The following DIP2C variants were observed in gnomAD, a reference collection of about 807,000 sequenced individuals.
DIP2C encodes the protein disco-interacting protein 2 homolog C.
A neutral mutation model predicts 192.4 loss-of-function variants in DIP2C; 33 were observed. That is an observed-to-expected ratio of 0.17 (90% confidence interval 0.13 to 0.23). DIP2C has a LOEUF of 0.23. Ranked by LOEUF, DIP2C falls within the 10% of genes least tolerant of loss-of-function variation. DIP2C has a pLI of 1.00. For synonymous variants in DIP2C, 979 were observed against 864.1 expected, an observed-to-expected ratio of 1.13 and a Z score of -2.33; for missense variants, 1,537 against 2,110.1, an observed-to-expected ratio of 0.73 and a Z score of 5.32.
intron 1 of DIP2C, among the ~76,000 whole-genome samples, chr10:624,937 G>A (rs542099725): frequency 1.3e-5 from 2 of 152,264 alleles, no homozygotes; most frequent in Admixed American, 6.5e-5. Context: ...GGAGGCGCTC[G>A]GTGCCCTGAA....
intron 3 of DIP2C, among the ~76,000 whole-genome samples, chr10:447,147 T>C (rs898949816): frequency 6.6e-6 from 1 of 152,008 alleles, no homozygotes. Context: ...TCACACACAG[T>C]GGGGCAGCAG....
chr10:306,122 C>T (rs958291707), intron 32 of DIP2C, among the ~76,000 whole-genome samples: 13 of 151,974 alleles, frequency 8.6e-5, no homozygotes, highest in Non-Finnish European at 1.9e-4. Context: ...TAAAATTGAA[C>T]AGTCACTTGC....
In DIP2C at chr10:281,191, A is replaced by C. The variant is rs542468759; in HGVS notation, c.4418+9T>G. 7 of 1,613,630 alleles carry C rather than the reference A, an allele frequency of 4.3e-6. No homozygotes were observed. In the South Asian group the frequency reaches 6.6e-5, roughly 15 times the overall value. On this transcript the variant is annotated intron_variant, in intron 36 of 36. Transcript: ENST00000280886. ...TGATTTGGGTACAAGCTGCAAGCTC[A>C]CGACTTACCATTCCGTAACGCTTTT...
At chr10:417,059 A>G (rs1238469234) in intron 6 of DIP2C, among the ~76,000 whole-genome samples, 1 of 152,212 alleles carries the variant, frequency 6.6e-6, no homozygotes, top group African/African-American at 2.4e-5. Flanking sequence ...ATATCTCTGA[A>G]AATACAGAAA....
rs540795933 is a variant in DIP2C at position 363,382 on chromosome 10, G to C, written c.2478-71C>G. On this transcript the variant is annotated intron_variant, in intron 20 of 36. Transcript: ENST00000280886. This position sits in a 1 kb window ranked among gnomAD's most constrained non-coding sequence, Gnocchi z 5.4. ...TGCAGCCCTCCCTCCGCCATCAGGG[G>C]CTCCATAACCATCACTAGTGAGTGA... 2.2e-6 allele frequency: 3 copies of C among 1,347,656 alleles called. No homozygotes were observed. The highest frequency in any genetic ancestry group is 1.2e-5 in the South Asian group (1 of 82,366). The allele number at this position is 1,347,656 out of a possible 1,614,324, so 83.5% of individuals were successfully genotyped here. A position where few individuals can be genotyped will look rare whatever the true frequency, so the allele number is the denominator to read the frequency against.
At chr10:291,217 T>C (rs1262145120) in intron 32 of DIP2C, among the ~76,000 whole-genome samples, 2 of 152,212 alleles carry the variant, frequency 1.3e-5, no homozygotes, top group Admixed American at 1.3e-4. Flanking sequence ...CCCATATTGA[T>C]CCTAAGCCTC....
chr10:376,557 CT>C (rs61541768), intron 17 of DIP2C, among the ~76,000 whole-genome samples: 3,066 of 135,196 alleles, frequency 0.023, 39 homozygotes, highest in Middle Eastern at 0.03. Context: ...GAGGAAGTGT[CT>C]TTTTTTTTTT....
At chr10:417,651 TCCACCTGTTCCTGTCAGGGC>T in intron 6 of DIP2C, among the ~76,000 whole-genome samples, 1 of 13,664 alleles carries the variant, frequency 7.3e-5, no homozygotes, top group South Asian at 5.0e-3. Context: ...GGCCTCCCTG[TCCACCTGTTCCTGTCAGGGC>T]TCGGATAGGC....
chr10:511,915 T>C (rs1424749887), intron 1 of DIP2C, among the ~76,000 whole-genome samples: 1 of 152,242 alleles, frequency 6.6e-6, no homozygotes, highest in Non-Finnish European at 1.5e-5. Context: ...TTACTGTCTG[T>C]TCCTTCTCCA....
At chr10:524,979 AAAAAG>A (rs1846966982) in intron 1 of DIP2C, among the ~76,000 whole-genome samples, 1 of 151,542 alleles carries the variant, frequency 6.6e-6, no homozygotes, top group African/African-American at 2.4e-5. Flanking sequence ...AAAAAAAAAA[AAAAAG>A]AATCACATTT....
In DIP2C at chr10:337,955, CGTGTGTGTGT is replaced by C. The variant is rs554936668; in HGVS notation, c.3584+3234_3584+3243del. Among the ~76,000 whole-genome samples, 4 of 122,526 alleles carry C rather than the reference CGTGTGTGTGT, an allele frequency of 3.3e-5. No homozygotes were observed. The South Asian group carries it at 1.1e-3, about 35-fold the overall frequency. The allele number at this position is 122,526 out of a possible 152,430, so 80.4% of individuals were successfully genotyped here. A position where few individuals can be genotyped will look rare whatever the true frequency, so the allele number is the denominator to read the frequency against. ...TGTGTGCTGTGGAGGCCTAGACAGT[CGTGTGTGTGT>C]GTGCGTGTGTGTGTGTTGTAGAGGC... is the stretch of plus-strand genomic sequence containing the variant. On this transcript the variant is annotated intron_variant, in intron 29 of 36. Coordinates refer to ENST00000280886, the MANE Select transcript of DIP2C (RefSeq NM_014974.3).
At chr10:477,726 A>G (rs1199877697) in intron 2 of DIP2C, among the ~76,000 whole-genome samples, 2 of 137,330 alleles carry the variant, frequency 1.5e-5, no homozygotes, top group Non-Finnish European at 3.2e-5. Context: ...GAGAAGAAAG[A>G]GAAGGAAAGA....
intron 25 of DIP2C, 23 bp downstream of exon 25, chr10:349,308 G>A (rs1958674656): frequency 4.4e-6 from 7 of 1,592,144 alleles, no homozygotes; most frequent in African/African-American, 2.7e-5. Flanking sequence ...ATCTCTCAGG[G>A]GAAGCCCACC....
intron 1 of DIP2C, among the ~76,000 whole-genome samples, chr10:543,994 T>C (rs1449084387): frequency 3.3e-5 from 5 of 152,278 alleles, no homozygotes; most frequent in African/African-American, 2.4e-5. Context: ...CTGTCGTGAG[T>C]GGGCACATAG....
chr10:391,643 T>C (rs1342213814), intron 10 of DIP2C, among the ~76,000 whole-genome samples: 1 of 152,186 alleles, frequency 6.6e-6, no homozygotes, highest in African/African-American at 2.4e-5. Context: ...CATTATTTGA[T>C]TCATAAAATA....
intron 1 of DIP2C, among the ~76,000 whole-genome samples, chr10:600,029 AAGG>A (rs1427561648): frequency 1.3e-5 from 2 of 152,160 alleles, no homozygotes; most frequent in East Asian, 1.9e-4. Context: ...ATCCAGCGGC[AAGG>A]AGGTCTGCAC....
At chr10:571,298 C>A (rs1345550819) in intron 1 of DIP2C, among the ~76,000 whole-genome samples, 1 of 152,200 alleles carries the variant, frequency 6.6e-6, no homozygotes, top group Non-Finnish European at 1.5e-5. Context: ...AACAGCCCCA[C>A]TGAGGGCCAA....
chr10:454,132 G>A (rs891820194), intron 3 of DIP2C, among the ~76,000 whole-genome samples: 2 of 152,162 alleles, frequency 1.3e-5, no homozygotes, highest in African/African-American at 4.8e-5. Flanking sequence ...GATCTTTCTC[G>A]TTTTTTCTGC....
chr10:441,296 T>C lies in DIP2C; in HGVS notation c.269-300A>G, dbSNP rs527666777. 41 of 315,368 alleles carry C rather than the reference T, an allele frequency of 1.3e-4. 1 individual carries two copies. In the Middle Eastern group the frequency reaches 2.9e-3, roughly 22 times the overall value. 19.5% of individuals were successfully genotyped at this position (315,368 alleles called of 1,614,324 possible). On this transcript the variant is annotated intron_variant, in intron 3 of 36. Transcript: ENST00000280886. ...GGACCTTGATCTTTGGAGATCTCTT[T>C]GTAGGTCACACGTTCGAGCCTCCAA...
Sources: allele counts gnomAD v4.1 joint callset (sites outside exome capture counted in the v4.1 genomes callset), GRCh38; gene constraint gnomAD v4.1.1; non-coding constraint Gnocchi (gnomAD v3.1); transcripts MANE v1.5; gene names NCBI Gene and HGNC (gene_info 2026-07-23, HGNC 2026-07-21).